PDCD6: variants seen among roughly 807,000 people sequenced by gnomAD.
PDCD6 encodes programmed cell death 6, also known as programmed cell death protein 6.
Under a neutral mutation model 28.3 loss-of-function variants are expected in PDCD6, and 12 were observed. The ratio of observed to expected loss-of-function variants is 0.42; its 90% confidence interval spans 0.27 to 0.69. The LOEUF (loss-of-function observed/expected upper bound fraction) is 0.69. PDCD6 is among the 30% of genes least tolerant of loss of function. PDCD6 has a pLI of 0.22. For synonymous variants in PDCD6, 92 were observed against 108.0 expected (o/e 0.85, Z 0.92); for missense variants, 226 against 269.9 (o/e 0.84, Z 1.14).
chr5:290,013 T>A, intron 2 of PDCD6: 1 of 1,600,274 alleles, frequency 6.2e-7, no homozygotes, highest in South Asian at 1.1e-5. Flanking sequence ...ACAATTCACA[T>A]AGTCGCTGAA....
intron 2 of PDCD6, among the ~76,000 whole-genome samples, chr5:284,416 T>A (rs1187467958): frequency 6.6e-6 from 1 of 152,162 alleles, no homozygotes; most frequent in African/African-American, 2.4e-5. Flanking sequence ...TGTTCCAATT[T>A]GAGGGTCATG....
intron 2 of PDCD6, among the ~76,000 whole-genome samples, chr5:301,327 C>T (rs1311279671): frequency 1.3e-5 from 2 of 152,196 alleles, no homozygotes; most frequent in Admixed American, 6.5e-5. Flanking sequence ...CCGCACACAG[C>T]GGTGAAGAAC....
intron 2 of PDCD6, chr5:288,875 A>G (rs1454099400): frequency 3.9e-6 from 6 of 1,543,452 alleles, no homozygotes; most frequent in South Asian, 2.4e-5. Flanking sequence ...TGGCTTCGTC[A>G]TCATTTTCCA....
intron 2 of PDCD6, chr5:289,864 A>C: frequency 2.7e-6 from 4 of 1,507,940 alleles, no homozygotes; most frequent in Non-Finnish European, 3.7e-6. Flanking sequence ...TCCAGGAAAC[A>C]TAACACCATT....
At chr5:288,301 T>C (rs1473093875) in intron 2 of PDCD6, among the ~76,000 whole-genome samples, 2 of 111,058 alleles carry the variant, frequency 1.8e-5, no homozygotes, top group Non-Finnish European at 4.4e-5. Flanking sequence ...ATTATATATA[T>C]ATATATATAT....
intron 2 of PDCD6, among the ~76,000 whole-genome samples, chr5:273,854 A>G (rs1223056227): frequency 6.6e-6 from 1 of 151,900 alleles, no homozygotes; most frequent in East Asian, 1.9e-4. Context: ...GATTGTTTTC[A>G]GGGAATTCAG....
intron 2 of PDCD6, among the ~76,000 whole-genome samples, chr5:277,355 G>A (rs1290635042): frequency 2.7e-5 from 4 of 146,174 alleles, no homozygotes; most frequent in African/African-American, 1.0e-4. Context: ...AGGCTGGAGT[G>A]CGGTGGCACT....
At chr5:299,337 C>T (rs1416419157) in intron 2 of PDCD6, among the ~76,000 whole-genome samples, 2 of 60,178 alleles carry the variant, frequency 3.3e-5, no homozygotes, top group African/African-American at 1.4e-4. Context: ...ATCCCCAGTC[C>T]TGCACTGCAG....
In PDCD6 at chr5:278,656, T is replaced by C. The variant is rs377359981; in HGVS notation, c.163+5884T>C. On this transcript the variant is annotated intron_variant, in intron 2 of 5. Coordinates refer to ENST00000264933, the MANE Select transcript of PDCD6 (RefSeq NM_013232.4). ...TCAGCCTAGGAGGTGAAGGTTGCAG[T>C]AAACCGAGATCGTGCCATTGCACTC... Among the ~76,000 whole-genome samples, 12 of 150,562 alleles carry C rather than the reference T, an allele frequency of 8.0e-5. No individual in the cohort carries two copies. In the East Asian group the frequency reaches 1.6e-3, roughly 20 times the overall value.
At chr5:298,132 G>C (rs768800824) in intron 2 of PDCD6, among the ~76,000 whole-genome samples, 65 of 152,298 alleles carry the variant, frequency 4.3e-4, no homozygotes, top group Admixed American at 5.9e-4. Context: ...ATCCAGCTCT[G>C]CTCATGATTT....
intron 2 of PDCD6, among the ~76,000 whole-genome samples, chr5:301,672 G>A (rs1740061431): frequency 6.8e-6 from 1 of 146,862 alleles, no homozygotes; most frequent in African/African-American, 2.5e-5. Context: ...GCTGGAGGGT[G>A]GGTCGTCGAG....
chr5:277,808 G>A (rs927499606), intron 2 of PDCD6, among the ~76,000 whole-genome samples: 3 of 151,658 alleles, frequency 2.0e-5, no homozygotes, highest in African/African-American at 7.3e-5. Context: ...CCAGCTACTC[G>A]GGAGGCTGAG....
At chr5:281,062 G>A (rs1161447359) in intron 2 of PDCD6, among the ~76,000 whole-genome samples, 2 of 152,250 alleles carry the variant, frequency 1.3e-5, no homozygotes, top group African/African-American at 4.8e-5. Flanking sequence ...ACAGCTGTGT[G>A]GTGATTTTCT....
At chr5:271,968 C>T (rs1737840877) in intron 1 of PDCD6, 147 bp downstream of exon 1, 2 of 427,206 alleles carry the variant, frequency 4.7e-6, no homozygotes, top group African/African-American at 2.1e-5. Flanking sequence ...CCCCTCCCGT[C>T]CCCTGCCGCC....
intron 2 of PDCD6, among the ~76,000 whole-genome samples, chr5:283,322 A>G (rs1415588300): frequency 6.6e-6 from 1 of 151,762 alleles, no homozygotes; most frequent in African/African-American, 2.4e-5. Context: ...CTCAGGCAGG[A>G]GCTGATGTTC....
rs1158716497 is a variant in PDCD6, at chr5:311,216, T to G, written c.368-77T>G. On this transcript the variant is annotated intron_variant, in intron 4 of 5. Transcript: ENST00000264933. The stretch of plus-strand genomic sequence containing the variant: ...TGTGTGTGTTAGAGGCTGTGGGCCT[T>G]GGGCAGGAGGGGTGAGTGTTGGCAC... 4.6e-6 allele frequency: 5 copies of G among 1,088,852 alleles called. No individual in the cohort carries two copies. The East Asian group carries it at 1.2e-4, about 27-fold the overall frequency. The allele number at this position is 1,088,852 out of a possible 1,614,324, so 67.4% of individuals were successfully genotyped here.
chr5:285,114 C>T (rs1738860734), intron 2 of PDCD6, among the ~76,000 whole-genome samples: 1 of 149,730 alleles, frequency 6.7e-6, no homozygotes, highest in Non-Finnish European at 1.5e-5. Flanking sequence ...AGCTGCACAG[C>T]CCTTAACCTG....
intron 4 of PDCD6, chr5:309,979 T>TGGCCGCCGTCCCCGTGCACACCAGTGAG (rs1740795876): frequency 1.2e-5 from 2 of 173,784 alleles, no homozygotes; most frequent in Admixed American, 1.5e-4. Flanking sequence ...ACACCAGTGA[T>TGGCCGCCGTCCCCGTGCACACCAGTGAG]GGCCGCCGTG....
intron 2 of PDCD6, among the ~76,000 whole-genome samples, chr5:277,807 C>T (rs1269291543): frequency 3.4e-5 from 5 of 148,986 alleles, no homozygotes; most frequent in Admixed American, 2.0e-4. Flanking sequence ...CCCAGCTACT[C>T]GGGAGGCTGA....
Sources: gnomAD v4.1 joint callset for allele counts (sites outside exome capture counted in the v4.1 genomes callset) on GRCh38, gnomAD v4.1.1 for gene constraint, MANE v1.5 for transcripts, NCBI Gene and HGNC (gene_info 2026-07-23, HGNC 2026-07-21) for gene names.